Variants in TEKT1 observed in about 807,000 individuals in gnomAD.
TEKT1 encodes the protein tektin-1.
Under a neutral mutation model 34.8 loss-of-function variants are expected in TEKT1, and 32 were observed. That is an observed-to-expected ratio of 0.92 (90% CI 0.69 to 1.23). TEKT1 has a LOEUF of 1.23. TEKT1 is among the 50% of genes most tolerant of loss of function. TEKT1 has a pLI of 0.00. For synonymous variants in TEKT1, 207 were observed against 199.8 expected, an observed-to-expected ratio of 1.04 and a Z score of -0.30; for missense variants, 492 against 518.5, an observed-to-expected ratio of 0.95 and a Z score of 0.50.
Position 6,830,384 on chromosome 17 carries a change from T to C in TEKT1, c.-8A>G. On this transcript the variant is annotated 5_prime_UTR_variant, in exon 2 of 8. Transcript: ENST00000338694. Reference sequence around the variant, plus strand: ...TTGTAATAGTTTAGCCATTTGAGGTTTCCAAATTCCTGATCAAAAGCAGAC... The same window carrying C: ...TTGTAATAGTTTAGCCATTTGAGGTCTCCAAATTCCTGATCAAAAGCAGAC... 6.5e-7 allele frequency: 1 copy of C among 1,549,622 alleles called. No homozygotes were observed. The highest frequency in any genetic ancestry group is 8.7e-7 in the Non-Finnish European group (1 of 1,154,212).
chr17:6,825,943 T>G (rs1261298414), intron 2 of TEKT1, among the ~76,000 whole-genome samples: 5 of 152,196 alleles, frequency 3.3e-5, no homozygotes, highest in African/African-American at 9.7e-5. Flanking sequence ...AAACATATAT[T>G]CCCGTATGAT....
At chr17:6,816,194 A>T (rs1977006048) in intron 3 of TEKT1, among the ~76,000 whole-genome samples, 1 of 152,134 alleles carries the variant, frequency 6.6e-6, no homozygotes, top group Non-Finnish European at 1.5e-5. Context: ...AAACATGCCA[A>T]ATGGACTTTT....
chr17:6,814,877 C>A, intron 5 of TEKT1: 1 of 285,732 alleles, frequency 3.5e-6, no homozygotes, highest in South Asian at 8.1e-5. Flanking sequence ...GCTCTTCCTA[C>A]ATTTTTAGAT....
At chr17:6,830,798 T>A (rs1904554411) in intron 1 of TEKT1, among the ~76,000 whole-genome samples, 1 of 152,226 alleles carries the variant, frequency 6.6e-6, no homozygotes, top group Non-Finnish European at 1.5e-5. Context: ...TGCCGTTATA[T>A]GAATAAAATC....
intron 2 of TEKT1, among the ~76,000 whole-genome samples, chr17:6,828,430 G>A (rs1315103034): frequency 3.9e-5 from 6 of 152,166 alleles, no homozygotes; most frequent in Admixed American, 6.5e-5. Flanking sequence ...ATCCATAAAC[G>A]TGTTTGTTCA....
At chr17:6,805,412 C>A (rs534003878) in intron 6 of TEKT1, among the ~76,000 whole-genome samples, 107 of 152,194 alleles carry the variant, frequency 7.0e-4, no homozygotes, top group African/African-American at 2.5e-3. Flanking sequence ...TTTCAAAAAA[C>A]CAGCTCCTGG....
intron 3 of TEKT1, among the ~76,000 whole-genome samples, chr17:6,816,363 T>C (rs1461478239): frequency 6.6e-6 from 1 of 152,180 alleles, no homozygotes; most frequent in Admixed American, 6.5e-5. Flanking sequence ...GTATTTCTCC[T>C]AATGCTATCC....
chr17:6,830,347 C>T lies in TEKT1; in HGVS notation c.30G>A (p.Lys10=). 3 of 1,599,144 alleles carry T rather than the reference C, an allele frequency of 1.9e-6. No homozygotes were observed. Among genetic ancestry groups the T allele is most frequent in the Non-Finnish European group, 2.5e-6 (3 of 1,176,828 alleles). Reference sequence around the variant, plus strand: ...CAATGTGCCACTCTGAGGGCAGGAACTTGGGTGGAGGTTGTAATAGTTTAG... The same window carrying T: ...CAATGTGCCACTCTGAGGGCAGGAATTTGGGTGGAGGTTGTAATAGTTTAG... The part of the protein sequence containing the change: MAKLLQPPP[K]FLPSEWHIAN... Residue 10 remains lysine, a synonymous_variant, in exon 2 of 8, where the codon AAG becomes AAA. Transcript: ENST00000338694.
chr17:6,813,196 A>C (rs1976952597), intron 5 of TEKT1, 143 bp from the exon 6 acceptor site: 2 of 699,476 alleles, frequency 2.9e-6, no homozygotes, highest in South Asian at 3.8e-5. Context: ...GTGGTCTGTC[A>C]GTATCAATAG....
Position 6,811,038 on chromosome 17 carries a change from G to A in TEKT1, c.852+1793C>T, listed in dbSNP as rs895197561. 1.4e-4 allele frequency among the ~76,000 whole-genome samples: 22 copies of A among 152,192 alleles called. No individual in the cohort carries two copies. The highest frequency in any genetic ancestry group is 1.7e-4 in the African/African-American group (7 of 41,538). On this transcript the variant is annotated intron_variant, in intron 6 of 7. Coordinates refer to ENST00000338694, the MANE Select transcript of TEKT1 (RefSeq NM_053285.2). This position sits in a 1 kb window ranked among gnomAD's most constrained non-coding sequence, Gnocchi z 4.4. ...ATTACAGGCGTGAGCCACCACGCCC[G>A]GCCGTGACATCTTATTTTATTGTTT...
At chr17:6,819,451 G>T in intron 2 of TEKT1, 93 bp from the exon 3 acceptor site, 22 of 1,313,054 alleles carry the variant, frequency 1.7e-5, no homozygotes, top group Non-Finnish European at 2.2e-5. Flanking sequence ...AAAACCACCT[G>T]TGACATGCTC....
At chr17:6,802,858 T>C (rs1976794590) in intron 6 of TEKT1, among the ~76,000 whole-genome samples, 1 of 152,194 alleles carries the variant, frequency 6.6e-6, no homozygotes. Flanking sequence ...CATTCTATCG[T>C]TGTTGGACAT....
intron 2 of TEKT1, among the ~76,000 whole-genome samples, chr17:6,824,803 A>G (rs1420103021): frequency 6.6e-6 from 1 of 152,222 alleles, no homozygotes; most frequent in Non-Finnish European, 1.5e-5. Flanking sequence ...GAACTACAGA[A>G]GCAGAAGCAA....
intron 2 of TEKT1, among the ~76,000 whole-genome samples, chr17:6,828,667 A>C (rs1224207911): frequency 6.6e-6 from 1 of 152,052 alleles, no homozygotes; most frequent in Non-Finnish European, 1.5e-5. Flanking sequence ...CTTACATTCA[A>C]TCCCTATGCT....
chr17:6,810,205 G>A (rs1394423716), intron 6 of TEKT1, among the ~76,000 whole-genome samples: 1 of 152,146 alleles, frequency 6.6e-6, no homozygotes, highest in African/African-American at 2.4e-5. Context: ...GTTTTAATTT[G>A]CAATTCCCTA....
At chr17:6,820,891 TG>T (rs1226607701) in intron 2 of TEKT1, among the ~76,000 whole-genome samples, 2 of 152,238 alleles carry the variant, frequency 1.3e-5, no homozygotes, top group Admixed American at 1.3e-4. Flanking sequence ...TTTGAAAACC[TG>T]CAAGTCTGCA....
At chr17:6,816,631 C>T (rs916761409) in intron 3 of TEKT1, among the ~76,000 whole-genome samples, 3 of 152,226 alleles carry the variant, frequency 2.0e-5, no homozygotes, top group South Asian at 4.1e-4. Context: ...TAGTCTATTA[C>T]TGATGGACAT....
chr17:6,828,490 G>A lies in TEKT1; in HGVS notation c.190+1697C>T, dbSNP rs534532882. On this transcript the variant is annotated intron_variant, in intron 2 of 7. Coordinates refer to ENST00000338694, the MANE Select transcript of TEKT1 (RefSeq NM_053285.2). ...TAAGTCAGTTACCAACATTTAAAAC[G>A]TGAATAAATTCCTGCTTTCCAGATT... 4.6e-5 allele frequency among the ~76,000 whole-genome samples: 7 copies of A among 152,246 alleles called. No individual in the cohort carries two copies. In the South Asian group the frequency reaches 1.0e-3, roughly 23 times the overall value.
At chr17:6,825,554 T>C (rs984871895) in intron 2 of TEKT1, among the ~76,000 whole-genome samples, 3 of 152,234 alleles carry the variant, frequency 2.0e-5, no homozygotes, top group African/African-American at 4.8e-5. Context: ...TGTATTTTCA[T>C]AGTGAACACA....
Sources: gnomAD v4.1 joint callset for allele counts (sites outside exome capture counted in the v4.1 genomes callset) on GRCh38, gnomAD v4.1.1 for gene constraint, Gnocchi (gnomAD v3.1) non-coding constraint, MANE v1.5 for transcripts, NCBI Gene and HGNC (gene_info 2026-07-23, HGNC 2026-07-21) for gene names.